Variants in NTM observed in about 807,000 individuals in gnomAD.
NTM encodes the protein neurotrimin.
A neutral mutation model predicts 42.1 loss-of-function variants in NTM; 13 were observed. The ratio of observed to expected loss-of-function variants is 0.31; its 90% CI spans 0.20 to 0.49. The LOEUF (loss-of-function observed/expected upper bound fraction) is 0.49, where lower values mean the gene tolerates loss of function less well. NTM is among the 20% of genes least tolerant of loss of function. The probability of loss-of-function intolerance (pLI) is 0.99; values close to 1 mark genes in which losing one functional copy is unlikely to be tolerated. For missense variants in NTM, 373 were observed against 452.8 expected (o/e 0.82, Z 1.60); for synonymous variants, 187 against 179.2 (o/e 1.04, Z -0.35).
At chr11:131,922,777 G>A (rs543950112) in intron 2 of NTM, among the ~76,000 whole-genome samples, 1 of 151,580 alleles carries the variant, frequency 6.6e-6, no homozygotes, top group African/African-American at 2.4e-5. Flanking sequence ...ACCTGACTCT[G>A]TTCAAAACCT....
At chr11:131,916,201 G>C (rs558406471) in intron 2 of NTM, among the ~76,000 whole-genome samples, 2 of 152,222 alleles carry the variant, frequency 1.3e-5, no homozygotes, top group Non-Finnish European at 2.9e-5. Flanking sequence ...GTGGAAGTGA[G>C]CAGACATCAG....
chr11:131,689,249 G>A (rs2074348639), intron 1 of NTM, among the ~76,000 whole-genome samples: 1 of 152,208 alleles, frequency 6.6e-6, no homozygotes, highest in African/African-American at 2.4e-5. Flanking sequence ...GAGCCAGGCA[G>A]GAACACAGGT....
At chr11:131,389,844 A>G (rs929603693) in intron 1 of NTM, among the ~76,000 whole-genome samples, 1 of 152,192 alleles carries the variant, frequency 6.6e-6, no homozygotes, top group African/African-American at 2.4e-5. Flanking sequence ...GAGTAATCAA[A>G]GGAGATTTGC....
At chr11:131,969,688 A>G (rs778829010) in intron 2 of NTM, among the ~76,000 whole-genome samples, 1 of 152,218 alleles carries the variant, frequency 6.6e-6, no homozygotes, top group African/African-American at 2.4e-5. Flanking sequence ...TATTATGTCT[A>G]ATTTTGAGTA....
intron 4 of NTM, among the ~76,000 whole-genome samples, chr11:132,236,556 T>C (rs2088952495): frequency 6.6e-6 from 1 of 152,192 alleles, no homozygotes; most frequent in Non-Finnish European, 1.5e-5. Flanking sequence ...ACAGCAGCCA[T>C]GATTACTAGT....
chr11:131,863,234 A>G (rs1423584259), intron 1 of NTM, among the ~76,000 whole-genome samples: 1 of 152,208 alleles, frequency 6.6e-6, no homozygotes, highest in African/African-American at 2.4e-5. Flanking sequence ...AGCCCTGGGC[A>G]TTTCACCTCA....
chr11:132,315,234 G>T (rs1306195312), intron 7 of NTM, among the ~76,000 whole-genome samples: 1 of 152,282 alleles, frequency 6.6e-6, no homozygotes, highest in East Asian at 1.9e-4. Context: ...GTCTCCAGTC[G>T]CTGGGACATG....
intron 1 of NTM, among the ~76,000 whole-genome samples, chr11:131,805,825 A>T (rs997542355): frequency 3.3e-5 from 5 of 152,182 alleles, no homozygotes; most frequent in Non-Finnish European, 7.3e-5. Context: ...ATTGCTTGGG[A>T]TATTTATTAA....
intron 1 of NTM, among the ~76,000 whole-genome samples, chr11:131,644,429 A>G (rs1384158801): frequency 2.0e-5 from 3 of 152,112 alleles, no homozygotes; most frequent in Non-Finnish European, 4.4e-5. Flanking sequence ...TCTTTTGATT[A>G]TTAGCCAGAT....
intron 4 of NTM, among the ~76,000 whole-genome samples, chr11:132,263,588 G>A (rs145155176): frequency 7.9e-5 from 12 of 151,884 alleles, no homozygotes; most frequent in Admixed American, 3.3e-4. Context: ...AGATCTTTAC[G>A]TTCTGGTTCC....
At chr11:131,794,451 G>A (rs2136174729) in intron 1 of NTM, 1 of 984,526 alleles carries the variant, frequency 1.0e-6, no homozygotes, top group Non-Finnish European at 1.2e-6. Context: ...TGTCACATGA[G>A]GCGTTTGCCT....
chr11:131,739,187 CTT>C (rs202211213), intron 1 of NTM, among the ~76,000 whole-genome samples: 1 of 144,264 alleles, frequency 6.9e-6, no homozygotes, highest in African/African-American at 2.6e-5. Context: ...CACAAGTTTT[CTT>C]TTTTTTTTTT....
At chr11:131,486,808 G>A (rs573632536) in intron 1 of NTM, among the ~76,000 whole-genome samples, 1 of 151,952 alleles carries the variant, frequency 6.6e-6, no homozygotes, top group South Asian at 2.1e-4. Context: ...CTCTCATTTA[G>A]TCTTGCTCAA....
intron 2 of NTM, among the ~76,000 whole-genome samples, chr11:132,103,290 C>T (rs932900809): frequency 2.6e-5 from 4 of 152,190 alleles, no homozygotes; most frequent in Non-Finnish European, 5.9e-5. Flanking sequence ...TCCACGGTGG[C>T]TCCAAATAAA....
chr11:131,864,424 A>G (rs951908089), intron 1 of NTM, among the ~76,000 whole-genome samples: 1 of 152,204 alleles, frequency 6.6e-6, no homozygotes, highest in South Asian at 2.1e-4. Flanking sequence ...GTTTCAATTA[A>G]GACTATCACA....
At chr11:131,559,981 C>A (rs998321589) in intron 1 of NTM, among the ~76,000 whole-genome samples, 4 of 152,232 alleles carry the variant, frequency 2.6e-5, no homozygotes, top group Non-Finnish European at 5.9e-5. Flanking sequence ...CCTCAACCAG[C>A]TAGTGACACA....
chr11:132,023,805 G>GTTT (rs1205060121), intron 2 of NTM, among the ~76,000 whole-genome samples: 10 of 123,796 alleles, frequency 8.1e-5, no homozygotes, highest in South Asian at 7.3e-4. Flanking sequence ...GTTGGTGGTG[G>GTTT]TGGTTTTGTT....
At chr11:132,020,251 G>T (rs1471104532) in intron 2 of NTM, among the ~76,000 whole-genome samples, 1 of 151,890 alleles carries the variant, frequency 6.6e-6, no homozygotes, top group African/African-American at 2.4e-5. Flanking sequence ...TGGGCACCTG[G>T]GCTGATTCTG....
intron 1 of NTM, among the ~76,000 whole-genome samples, chr11:131,721,795 G>C (rs2078364963): frequency 6.6e-6 from 1 of 151,922 alleles, no homozygotes; most frequent in African/African-American, 2.4e-5. Context: ...TCGGGAGTTT[G>C]AGACCAGCCT....
Sources: allele counts gnomAD v4.1 joint callset (sites outside exome capture counted in the v4.1 genomes callset), GRCh38; gene constraint gnomAD v4.1.1; transcripts MANE v1.5; gene names NCBI Gene and HGNC (gene_info 2026-07-23, HGNC 2026-07-21).